Variants in TNS1 observed in about 807,000 individuals in gnomAD.
TNS1 encodes tensin-1.
A neutral mutation model predicts 168.6 loss-of-function variants in TNS1; 62 were observed. That is an observed-to-expected ratio of 0.37 (90% CI 0.30 to 0.45). The LOEUF (loss-of-function observed/expected upper bound fraction) is 0.45. TNS1 is among the 20% of genes least tolerant of loss of function. TNS1 has a pLI of 1.00. For missense variants in TNS1, 2,240 were observed against 2,339.4 expected (o/e 0.96, Z 0.88); for synonymous variants, 934 against 933.2 (o/e 1.00, Z -0.02).
chr2:217,956,722 T>G (rs924509030), intron 3 of TNS1, among the ~76,000 whole-genome samples: 5 of 152,184 alleles, frequency 3.3e-5, no homozygotes, highest in Non-Finnish European at 5.9e-5. Flanking sequence ...CAATGAGGTC[T>G]AGAGCTGTCC....
At chr2:218,026,271 T>A (rs1176543859) in intron 1 of TNS1, among the ~76,000 whole-genome samples, 1 of 152,056 alleles carries the variant, frequency 6.6e-6, no homozygotes, top group Non-Finnish European at 1.5e-5. Flanking sequence ...CAGTGTAAGC[T>A]CGAAGGCCGC....
chr2:217,920,555 G>A (rs1186337324), intron 3 of TNS1, among the ~76,000 whole-genome samples: 2 of 142,004 alleles, frequency 1.4e-5, no homozygotes, highest in African/African-American at 5.6e-5. Flanking sequence ...CAGGTAATAA[G>A]AAGAAGGATT....
intron 24 of TNS1, among the ~76,000 whole-genome samples, chr2:217,817,456 T>C (rs1942069370): frequency 6.6e-6 from 1 of 152,192 alleles, no homozygotes; most frequent in Non-Finnish European, 1.5e-5. Flanking sequence ...TTATGATTTT[T>C]ATCATCCTCA....
At chr2:217,874,388 A>G (rs1031676709) in intron 18 of TNS1, among the ~76,000 whole-genome samples, 2 of 152,250 alleles carry the variant, frequency 1.3e-5, no homozygotes, top group Non-Finnish European at 2.9e-5. Flanking sequence ...CAGTGCTCTC[A>G]TCTCAAGGTC....
intron 3 of TNS1, among the ~76,000 whole-genome samples, chr2:217,937,535 A>C (rs1477888106): frequency 6.6e-6 from 1 of 152,020 alleles, no homozygotes; most frequent in Non-Finnish European, 1.5e-5. Flanking sequence ...TGGGAGTCTC[A>C]GCCGGTGATT....
At chr2:218,017,026 C>A (rs1320615059) in intron 1 of TNS1, among the ~76,000 whole-genome samples, 1 of 152,180 alleles carries the variant, frequency 6.6e-6, no homozygotes, top group African/African-American at 2.4e-5. Context: ...GACACAGCCT[C>A]ACATTGAGGC....
chr2:217,880,770 T>C lies in TNS1; in HGVS notation c.1429+128A>G, dbSNP rs1337151732. 8 of 707,280 alleles carry C rather than the reference T, an allele frequency of 1.1e-5. No individual in the cohort carries two copies. Among genetic ancestry groups the C allele is most frequent in the East Asian group, 2.5e-5 (1 of 40,518 alleles). 43.8% of individuals were successfully genotyped at this position (707,280 alleles called of 1,614,324 possible). The stretch of plus-strand genomic sequence containing the variant: ...CCAGTTAACGGTGAGCTCTCGGAGG[T>C]ACCTCACACTTCCCCTCTGCCTCCT... On this transcript the variant is annotated intron_variant, in intron 18 of 32. Coordinates refer to ENST00000682258, the MANE Select transcript of TNS1 (RefSeq NM_001387777.1). This position sits in a 1 kb window ranked among gnomAD's most constrained non-coding sequence, Gnocchi z 4.2.
chr2:217,984,794 C>T (rs1203291228), intron 2 of TNS1, among the ~76,000 whole-genome samples: 1 of 149,098 alleles, frequency 6.7e-6, no homozygotes, highest in Non-Finnish European at 1.5e-5. Context: ...CTTGCTCTGT[C>T]ACCCAGGCTG....
chr2:218,010,052 G>T, intron 1 of TNS1: 1 of 394,874 alleles, frequency 2.5e-6, no homozygotes. Flanking sequence ...TGGGAGGGAG[G>T]GGGCGGGGGG....
At chr2:217,869,131 A>G (rs1457300479) in intron 18 of TNS1, among the ~76,000 whole-genome samples, 1 of 152,216 alleles carries the variant, frequency 6.6e-6, no homozygotes, top group African/African-American at 2.4e-5. Flanking sequence ...TGTCCATCAG[A>G]CAGAAAGCAG....
intron 18 of TNS1, chr2:217,858,514 G>A: frequency 2.0e-6 from 2 of 986,206 alleles, no homozygotes; most frequent in South Asian, 9.4e-5. Context: ...GGGAGGGAGA[G>A]GGAGGAAGCG....
chr2:217,916,717 C>A (rs959924320), intron 4 of TNS1, among the ~76,000 whole-genome samples: 3 of 152,154 alleles, frequency 2.0e-5, no homozygotes. Flanking sequence ...CTGGCCCGGG[C>A]ACAGGTTGGG....
chr2:218,000,174 C>T (rs1040996157), intron 1 of TNS1, among the ~76,000 whole-genome samples: 1 of 152,218 alleles, frequency 6.6e-6, no homozygotes, highest in South Asian at 2.1e-4. Flanking sequence ...AGCTCTGCTC[C>T]TCAGCTAATA....
intron 3 of TNS1, among the ~76,000 whole-genome samples, chr2:217,958,387 C>T (rs927312392): frequency 6.6e-6 from 1 of 152,192 alleles, no homozygotes; most frequent in Non-Finnish European, 1.5e-5. Flanking sequence ...CTTCCCAAAC[C>T]GTCGTCTGCA....
intron 19 of TNS1, among the ~76,000 whole-genome samples, chr2:217,839,974 C>T (rs1945727130): frequency 6.6e-6 from 1 of 152,216 alleles, no homozygotes; most frequent in Non-Finnish European, 1.5e-5. Context: ...CATCCCAGAA[C>T]CTGCCCCTAC....
chr2:217,832,198 A>T (rs1210035792), intron 21 of TNS1, among the ~76,000 whole-genome samples: 5 of 152,236 alleles, frequency 3.3e-5, no homozygotes, highest in African/African-American at 1.2e-4. Context: ...CCCAAACCTC[A>T]GTGTCCTGGA....
intron 1 of TNS1, among the ~76,000 whole-genome samples, chr2:217,997,797 G>A (rs1043988514): frequency 1.3e-5 from 2 of 152,252 alleles, no homozygotes; most frequent in East Asian, 1.9e-4. Context: ...CATGGTGAGC[G>A]CTCAGCAGCG....
chr2:217,841,057 G>C (rs948144566), intron 19 of TNS1: 62 of 214,940 alleles, frequency 2.9e-4, no homozygotes, highest in African/African-American at 1.4e-3. Context: ...ACAGAAGAGG[G>C]AGAGGAAAAG....
intron 19 of TNS1, chr2:217,842,254 C>A: frequency 1.7e-6 from 1 of 590,002 alleles, no homozygotes; most frequent in Admixed American, 2.8e-5. Context: ...TAAGTTCCAG[C>A]CTCTTCTCCT....
Sources: allele counts gnomAD v4.1 joint callset (sites outside exome capture counted in the v4.1 genomes callset), GRCh38; gene constraint gnomAD v4.1.1; non-coding constraint Gnocchi (gnomAD v3.1); transcripts MANE v1.5; gene names NCBI Gene and HGNC (gene_info 2026-07-23, HGNC 2026-07-21).